TRIM33: variants seen among roughly 807,000 people sequenced by gnomAD.
TRIM33 encodes E3 ubiquitin-protein ligase TRIM33.
In TRIM33, 20 loss-of-function variants were observed where a neutral mutation model predicts 125.4. The ratio of observed to expected loss-of-function variants is 0.16; its 90% CI spans 0.11 to 0.23. TRIM33 has a LOEUF of 0.23. Among genes scored for constraint, TRIM33 ranks in the 10% least tolerant of loss-of-function variants. The probability of loss-of-function intolerance (pLI) is 1.00; values close to 1 mark genes in which losing one functional copy is unlikely to be tolerated. For synonymous variants in TRIM33, 564 were observed against 513.9 expected (o/e 1.10, Z -1.32); for missense variants, 920 against 1,411.4 (o/e 0.65, Z 5.58).
At chr1:114,500,987 G>A (rs1269105090) in intron 1 of TRIM33, among the ~76,000 whole-genome samples, 1 of 66,012 alleles carries the variant, frequency 1.5e-5, no homozygotes, top group African/African-American at 8.2e-5. Flanking sequence ...TCAGGAGATC[G>A]AGACCATCCC....
intron 5 of TRIM33, among the ~76,000 whole-genome samples, chr1:114,431,442 G>T (rs1211913758): frequency 6.6e-6 from 1 of 152,200 alleles, no homozygotes; most frequent in East Asian, 1.9e-4. Context: ...TACAGTAAAG[G>T]GCATAAAACA....
chr1:114,397,975 GAAC>G lies in TRIM33; in HGVS notation c.3133_3135del (p.Val1045del), dbSNP rs1651644809. On this transcript the variant is annotated inframe_deletion, in exon 19 of 20. Transcript: ENST00000358465. Reference sequence around the variant, plus strand: ...ATCTCTTGTGTGTCTGCATAAACTTGAACAACTTTCATCATCTAAAAAGGATAC... The same window carrying G: ...ATCTCTTGTGTGTCTGCATAAACTTGAACTTTCATCATCTAAAAAGGATAC... 1 of 1,610,506 alleles carries G rather than the reference GAAC, an allele frequency of 6.2e-7. No individual in the cohort carries two copies. The highest frequency in any genetic ancestry group is 2.2e-5 in the East Asian group (1 of 44,768).
At chr1:114,427,532 C>T (rs1026863609) in intron 7 of TRIM33, among the ~76,000 whole-genome samples, 3 of 151,960 alleles carry the variant, frequency 2.0e-5, no homozygotes, top group African/African-American at 7.3e-5. Context: ...CTATATAATT[C>T]CACTTATATG....
intron 12 of TRIM33, 32 bp downstream of exon 12, chr1:114,410,152 T>A: frequency 6.2e-7 from 1 of 1,612,504 alleles, no homozygotes; most frequent in Non-Finnish European, 8.5e-7. Context: ...TTTTAAGGTG[T>A]TAAAAAATAA....
intron 1 of TRIM33, among the ~76,000 whole-genome samples, chr1:114,489,826 G>A (rs759615240): frequency 6.6e-6 from 1 of 152,012 alleles, no homozygotes; most frequent in Non-Finnish European, 1.5e-5. Flanking sequence ...ACTTAACAGT[G>A]GGTAAAATGG....
chr1:114,416,123 A>C (rs143356278), intron 11 of TRIM33, among the ~76,000 whole-genome samples: 14 of 152,276 alleles, frequency 9.2e-5, no homozygotes, highest in African/African-American at 3.4e-4. Flanking sequence ...AAAATATACA[A>C]GTGCATTAAT....
chr1:114,457,859 G>A (rs11577901), intron 4 of TRIM33, among the ~76,000 whole-genome samples: 43,058 of 152,090 alleles, frequency 0.28, 6,649 homozygotes, highest in African/African-American at 0.39. Flanking sequence ...GGGTTTTCAC[G>A]GAACTCTGCA....
chr1:114,458,846 G>C (rs1649781104), intron 4 of TRIM33, among the ~76,000 whole-genome samples: 1 of 152,038 alleles, frequency 6.6e-6, no homozygotes, highest in South Asian at 2.1e-4. Flanking sequence ...CTATACGTTA[G>C]CAAAATAACC....
intron 4 of TRIM33, chr1:114,459,903 T>A (rs1043417615): frequency 4.6e-5 from 7 of 152,806 alleles, no homozygotes; most frequent in African/African-American, 1.7e-4. Context: ...TCTTCCCTTT[T>A]GTGGCCACTG....
At position 114,467,624 on chromosome 1, in the gene TRIM33, A is replaced by T. The variant is rs974736565; in HGVS notation, c.527-3236T>A. On this transcript the variant is annotated intron_variant, in intron 1 of 19. Transcript: ENST00000358465. ...GCAAACCACAGGAAGTACACTTTAC[A>T]TCAAAGGCCAGGACACAAATACATA... is the stretch of plus-strand genomic sequence containing the variant. Among the ~76,000 whole-genome samples the T allele has an allele frequency of 3.9e-5, 6 of 152,240 alleles. No individual in the cohort carries two copies. In the East Asian group the frequency reaches 7.7e-4, roughly 20 times the overall value.
At chr1:114,505,296 T>C (rs1652929781) in intron 1 of TRIM33, among the ~76,000 whole-genome samples, 1 of 152,156 alleles carries the variant, frequency 6.6e-6, no homozygotes, top group African/African-American at 2.4e-5. Flanking sequence ...CTTGTTTCTG[T>C]TGAAGAGGAG....
rs1291184892 is a variant in TRIM33 at position 114,447,715 on chromosome 1, T to C, written c.924-13982A>G. 2.6e-5 allele frequency among the ~76,000 whole-genome samples: 4 copies of C among 152,246 alleles called. 1 individual carries two copies. The highest frequency in any genetic ancestry group is 4.1e-4 in the South Asian group (2 of 4,820). On this transcript the variant is annotated intron_variant, in intron 4 of 19. Coordinates refer to ENST00000358465, the MANE Select transcript of TRIM33 (RefSeq NM_015906.4). ...AGCAAATGAGATTGAGAAAAAGTAATCAGTAATTAGTAGGAAGAAAATGAA... is the reference window on the plus strand; with the variant it reads ...AGCAAATGAGATTGAGAAAAAGTAACCAGTAATTAGTAGGAAGAAAATGAA...
intron 1 of TRIM33, among the ~76,000 whole-genome samples, chr1:114,467,033 G>A (rs1339092091): frequency 6.6e-6 from 1 of 152,226 alleles, no homozygotes; most frequent in African/African-American, 2.4e-5. Flanking sequence ...GAAACATTCT[G>A]AAGGTCATGT....
intron 4 of TRIM33, among the ~76,000 whole-genome samples, chr1:114,437,278 T>C (rs1420459334): frequency 1.3e-5 from 2 of 152,222 alleles, no homozygotes; most frequent in Non-Finnish European, 2.9e-5. Flanking sequence ...AAATGTAGTT[T>C]TGATTAATAC....
chr1:114,446,023 A>G (rs1205314646), intron 4 of TRIM33, among the ~76,000 whole-genome samples: 1 of 151,994 alleles, frequency 6.6e-6, no homozygotes, highest in Non-Finnish European at 1.5e-5. Flanking sequence ...ACGCCCAGCT[A>G]ATTTTTTGTA....
chr1:114,408,817 A>C, intron 12 of TRIM33, 77 bp from the exon 13 acceptor site: 10 of 1,002,974 alleles, frequency 1.0e-5, no homozygotes, highest in African/African-American at 1.7e-5. Context: ...CACAGAACTC[A>C]AGATTATTAT....
In TRIM33 at chr1:114,397,506, TA is replaced by T; in HGVS notation, c.*141del. ...TCCATTATTTCAATCTAATACTGTG[TA>T]AAAGCTATCAGCTTCTTCAAGGAGG... On this transcript the variant is annotated 3_prime_UTR_variant, in exon 20 of 20. Transcript: ENST00000358465. 3.2e-6 allele frequency: 2 copies of T among 633,398 alleles called. No homozygotes were observed. Among genetic ancestry groups the T allele is most frequent in the Non-Finnish European group, 2.7e-6 (1 of 363,896 alleles). The allele number at this position is 633,398 out of a possible 1,614,324, so 39.2% of individuals were successfully genotyped here.
intron 1 of TRIM33, among the ~76,000 whole-genome samples, chr1:114,488,344 C>A (rs756882026): frequency 2.0e-5 from 3 of 152,176 alleles, no homozygotes; most frequent in Non-Finnish European, 2.9e-5. Flanking sequence ...TACCTACATA[C>A]CTTAAATACT....
At chr1:114,477,562 T>C (rs1048325693) in intron 1 of TRIM33, among the ~76,000 whole-genome samples, 3 of 152,206 alleles carry the variant, frequency 2.0e-5, no homozygotes, top group Non-Finnish European at 2.9e-5. Flanking sequence ...TCAAAGGTTG[T>C]TGGGAAGACT....
Sources: gnomAD v4.1 joint callset for allele counts (sites outside exome capture counted in the v4.1 genomes callset) on GRCh38, gnomAD v4.1.1 for gene constraint, MANE v1.5 for transcripts, NCBI Gene and HGNC (gene_info 2026-07-23, HGNC 2026-07-21) for gene names.